The following ZNF605 variants were observed in gnomAD, a reference collection of about 807,000 sequenced individuals.
The protein encoded by ZNF605 is zinc finger protein 605.
A neutral mutation model predicts 7.9 loss-of-function variants in ZNF605; 9 were observed. The observed-to-expected ratio is 1.14, with a 90% CI of 0.68 to 1.98. The LOEUF (loss-of-function observed/expected upper bound fraction) is 1.98. ZNF605 is among the 30% of genes most tolerant of loss of function. The pLI is 0.00. For synonymous variants in ZNF605, 255 were observed against 260.1 expected, an observed-to-expected ratio of 0.98 and a Z score of 0.19; for missense variants, 673 against 762.4, an observed-to-expected ratio of 0.88 and a Z score of 1.38.
chr12:132,938,697 T>A (rs1235941093), intron 3 of ZNF605, among the ~76,000 whole-genome samples: 15 of 152,168 alleles, frequency 9.9e-5, no homozygotes, highest in Non-Finnish European at 4.4e-5. Flanking sequence ...TGGGAGCCCC[T>A]TTCTGGGCTG....
rs1387671853 is a variant in ZNF605 at position 132,927,052 on chromosome 12, T to C, written c.247A>G (p.Ile83Val). The change falls in exon 5 of 5, where the codon ATA becomes GTA. Residue 83 changes from isoleucine to valine, a missense_variant. Transcript: ENST00000360187. The stretch of plus-strand genomic sequence containing the variant: ...CGCAGTCCTACATGAACAATGTTTA[T>C]GCTTGAATTAAATATTTTTCCAAAA... ...DVFGKIFNSSINIVHVGLRSH... is the reference protein window; with the variant it reads ...DVFGKIFNSSVNIVHVGLRSH... The C allele has an allele frequency of 3.7e-6, 6 of 1,605,992 alleles. No homozygotes were observed. The African/African-American group carries it at 8.0e-5, about 21-fold the overall frequency.
In ZNF605 at chr12:132,926,596, T is replaced by C; in HGVS notation, c.703A>G (p.Ser235Gly). 1 of 1,614,208 alleles carries C rather than the reference T, an allele frequency of 6.2e-7. No individual in the cohort carries two copies. The highest frequency in any genetic ancestry group is 8.5e-7 in the Non-Finnish European group (1 of 1,180,014). The change falls in exon 5 of 5, where the codon AGT becomes GGT. Residue 235 changes from serine to glycine, a missense_variant. Ser to Gly is a moderately conservative substitution (Grantham distance 56). Coordinates refer to ENST00000360187, the MANE Select transcript of ZNF605 (RefSeq NM_183238.4). ...HGCSECQKAF[S>G]RKSLLILHQR... ...TGTAAAATGAGGAGTGACTTCCTAC[T>C]AAAAGCTTTCTGACATTCGCTGCAC...
In ZNF605 at chr12:132,933,142, T is replaced by A; in HGVS notation, c.29A>T (p.Asp10Val). 1 of 1,608,660 alleles carries A rather than the reference T, an allele frequency of 6.2e-7. No individual in the cohort carries two copies. Among genetic ancestry groups the A allele is most frequent in the South Asian group, 1.1e-5 (1 of 90,278 alleles). MIQSQISFE[D>V]VAVDFTLEEW... The stretch of plus-strand genomic sequence containing the variant: ...CTCCAGCGTGAAATCCACAGCCACA[T>A]CCTCAAATGATATCTGGAAAAGCAT... Residue 10 changes from aspartate to valine, a missense_variant, in exon 4 of 5, where the codon GAT becomes GTT. Asp to Val is a radical substitution (Grantham distance 152, BLOSUM62 -3). Coordinates refer to ENST00000360187, the MANE Select transcript of ZNF605 (RefSeq NM_183238.4). This position sits in a 1 kb window ranked among gnomAD's most constrained non-coding sequence, Gnocchi z 4.4.
intron 3 of ZNF605, among the ~76,000 whole-genome samples, chr12:132,943,915 G>C (rs1015816630): frequency 2.0e-5 from 3 of 152,146 alleles, no homozygotes; most frequent in Non-Finnish European, 4.4e-5. Flanking sequence ...AGATGTTTAC[G>C]GTTAAGGGAA....
Position 132,923,097 on chromosome 12 carries a change from G to A in ZNF605, c.*2276C>T, listed in dbSNP as rs895887044. 6.6e-6 allele frequency: 1 copy of A among 152,310 alleles called. No individual in the cohort carries two copies. Among genetic ancestry groups the A allele is most frequent in the Non-Finnish European group, 1.5e-5 (1 of 68,032 alleles). The allele number at this position is 152,310 out of a possible 1,614,324, so 9.4% of individuals were successfully genotyped here. ...GAAGGAATAGGCTTCTAACTCAGAT[G>A]ATGCAGTCTACTCAACTATATTTAA... On this transcript the variant is annotated 3_prime_UTR_variant, in exon 5 of 5. Transcript: ENST00000360187.
rs1021344142 is a variant in ZNF605, at chr12:132,933,095, T to C, written c.76A>G (p.Thr26Ala). ...TLEEWQLLNP[T>A]QKNLYRDVML... Reference sequence around the variant, plus strand: ...ACATCTCTGTACAAGTTCTTCTGAGTAGGATTAAGTAGCTGCCATTCCTCC... The same window carrying C: ...ACATCTCTGTACAAGTTCTTCTGAGCAGGATTAAGTAGCTGCCATTCCTCC... Residue 26 changes from threonine to alanine, a missense_variant, in exon 4 of 5, where the codon ACT becomes GCT. Physicochemically the swap from Thr to Ala is moderately conservative, Grantham distance 58. Coordinates refer to ENST00000360187, the MANE Select transcript of ZNF605 (RefSeq NM_183238.4). This position sits in a 1 kb window ranked among gnomAD's most constrained non-coding sequence, Gnocchi z 4.4. 89 of 1,611,674 alleles carry C rather than the reference T, an allele frequency of 5.5e-5. 1 individual carries two copies. The highest frequency in any genetic ancestry group is 7.0e-5 in the Non-Finnish European group (82 of 1,178,564).
chr12:132,943,455 C>T (rs2137152699), intron 3 of ZNF605, among the ~76,000 whole-genome samples: 1 of 152,200 alleles, frequency 6.6e-6, no homozygotes, highest in South Asian at 2.1e-4. Context: ...GGGAAAACTG[C>T]CCTCCCAAGA....
intron 3 of ZNF605, chr12:132,945,239 C>A: frequency 1.5e-6 from 1 of 647,060 alleles, no homozygotes; most frequent in East Asian, 2.7e-5. Flanking sequence ...GCTGGGATTA[C>A]AGGCATGAGC....
At chr12:132,953,671 T>G (rs766196620) in intron 1 of ZNF605, among the ~76,000 whole-genome samples, 1 of 147,800 alleles carries the variant, frequency 6.8e-6, no homozygotes, top group Non-Finnish European at 1.5e-5. Context: ...CTGATCTGCC[T>G]GCCTCAGCCT....
intron 3 of ZNF605, among the ~76,000 whole-genome samples, chr12:132,939,516 A>C (rs1222229066): frequency 6.6e-6 from 1 of 151,962 alleles, no homozygotes; most frequent in East Asian, 1.9e-4. Context: ...GGCCTTGGAG[A>C]ACCTGTGTGT....
In ZNF605 at chr12:132,919,077, C is replaced by G. The variant is rs758737557; in HGVS notation, c.*6296G>C. 1.3e-5 allele frequency: 2 copies of G among 152,294 alleles called. No homozygotes were observed. Among genetic ancestry groups the G allele is most frequent in the Non-Finnish European group, 2.9e-5 (2 of 68,080 alleles). The allele number at this position is 152,294 out of a possible 1,614,324, so 9.4% of individuals were successfully genotyped here. A position where few individuals can be genotyped will look rare whatever the true frequency, so the allele number is the denominator to read the frequency against. On this transcript the variant is annotated 3_prime_UTR_variant, in exon 5 of 5. Coordinates refer to ENST00000360187, the MANE Select transcript of ZNF605 (RefSeq NM_183238.4). ...ACGAATCTACACTAGACCTGCCTGG[C>G]TGCAGTGGTAACACTCCATTGCCTA...
chr12:132,948,688 G>GT (rs1182136576), intron 1 of ZNF605: 1 of 152,222 alleles, frequency 6.6e-6, no homozygotes, highest in Non-Finnish European at 1.5e-5. Flanking sequence ...AGGGAGGAAA[G>GT]TTAGGACTGG....
chr12:132,927,240 C>A, intron 4 of ZNF605, 78 bp from the exon 5 acceptor site: 1 of 1,054,770 alleles, frequency 9.5e-7, no homozygotes, highest in Non-Finnish European at 1.3e-6. Context: ...TCTGAAATGG[C>A]GCCATAATCC....
At position 132,941,588 on chromosome 12, in the gene ZNF605, G is replaced by A. The variant is rs1365069862; in HGVS notation, c.15+4033C>T. On this transcript the variant is annotated intron_variant, in intron 3 of 4. Transcript: ENST00000360187. This position sits in a 1 kb window ranked among gnomAD's most constrained non-coding sequence, Gnocchi z 5.1. ...GTCTGAGGAACCGTATCGCTCACGAGCAACAGGGTAACTGACTGTTGTAAC... is the reference window on the plus strand; with the variant it reads ...GTCTGAGGAACCGTATCGCTCACGAACAACAGGGTAACTGACTGTTGTAAC... Among the ~76,000 whole-genome samples the A allele has an allele frequency of 2.6e-5, 4 of 152,352 alleles. No homozygotes were observed. The highest frequency in any genetic ancestry group is 3.4e-3 in the Middle Eastern group (1 of 294).
chr12:132,939,179 C>T (rs1337939362), intron 3 of ZNF605, among the ~76,000 whole-genome samples: 61 of 152,258 alleles, frequency 4.0e-4, no homozygotes, highest in Middle Eastern at 6.8e-3. Context: ...ACCTGCAGCC[C>T]CGGTGCGGGA....
intron 4 of ZNF605, 149 bp downstream of exon 4, chr12:132,932,886 G>A (rs1952321851): frequency 1.5e-5 from 20 of 1,364,962 alleles, no homozygotes; most frequent in Non-Finnish European, 1.9e-5. Flanking sequence ...TTATTATAAA[G>A]GCTGCAAAAT....
chr12:132,951,960 C>T (rs1392393755), intron 1 of ZNF605, among the ~76,000 whole-genome samples: 2 of 151,890 alleles, frequency 1.3e-5, no homozygotes, highest in Admixed American at 1.3e-4. Context: ...GTACATACAT[C>T]ACATACACAC....
At chr12:132,951,333 TCA>T (rs1237011808) in intron 1 of ZNF605, among the ~76,000 whole-genome samples, 139 of 146,086 alleles carry the variant, frequency 9.5e-4, no homozygotes, top group East Asian at 4.3e-3. Context: ...CACACGTACA[TCA>T]CACACACAGA....
chr12:132,919,249 G>C lies in ZNF605; in HGVS notation c.*6124C>G, dbSNP rs771500975. On this transcript the variant is annotated 3_prime_UTR_variant, in exon 5 of 5. Coordinates refer to ENST00000360187, the MANE Select transcript of ZNF605 (RefSeq NM_183238.4). ...ACTTGCTTTATTAATTATTTTTGTG[G>C]AGAACAAAGTGCCACTATGTTGCCC... 1 of 151,828 alleles carries C rather than the reference G, an allele frequency of 6.6e-6. No homozygotes were observed. Among genetic ancestry groups the C allele is most frequent in the Non-Finnish European group, 1.5e-5 (1 of 67,982 alleles). The allele number at this position is 151,828 out of a possible 1,614,324, so 9.4% of individuals were successfully genotyped here. A position where few individuals can be genotyped will look rare whatever the true frequency, so the allele number is the denominator to read the frequency against.
Sources: allele counts gnomAD v4.1 joint callset (sites outside exome capture counted in the v4.1 genomes callset), GRCh38; gene constraint gnomAD v4.1.1; non-coding constraint Gnocchi (gnomAD v3.1); transcripts MANE v1.5; gene names NCBI Gene and HGNC (gene_info 2026-07-23, HGNC 2026-07-21).